Variants in DNAH11 observed in about 807,000 individuals in gnomAD.
The protein encoded by DNAH11 is axonemal beta dynein heavy chain 11.
A neutral mutation model predicts 526.0 loss-of-function variants in DNAH11; 442 were observed. The ratio of observed to expected loss-of-function variants is 0.84; its 90% CI spans 0.78 to 0.91. The LOEUF (loss-of-function observed/expected upper bound fraction) is 0.91. Ranked by LOEUF, DNAH11 falls within the 40% of genes least tolerant of loss-of-function variation. The probability of loss-of-function intolerance (pLI) is 0.00; values close to 1 mark genes in which losing one functional copy is unlikely to be tolerated. For synonymous variants in DNAH11, 2,461 were observed against 1,935.9 expected, an observed-to-expected ratio of 1.27 and a Z score of -7.12; for missense variants, 6,989 against 5,448.7, an observed-to-expected ratio of 1.28 and a Z score of -8.90.
chr7:21,603,564 C>T (rs577692531), intron 18 of DNAH11, among the ~76,000 whole-genome samples: 1 of 152,272 alleles, frequency 6.6e-6, no homozygotes, highest in African/African-American at 2.4e-5. Flanking sequence ...TTTACAAGTG[C>T]TCTCTTGACT....
At chr7:21,649,950 C>T (rs1008996764) in intron 28 of DNAH11, among the ~76,000 whole-genome samples, 4 of 152,096 alleles carry the variant, frequency 2.6e-5, no homozygotes, top group Non-Finnish European at 4.4e-5. Flanking sequence ...CACACGTGAG[C>T]CCCCATGCCC....
intron 62 of DNAH11, among the ~76,000 whole-genome samples, chr7:21,801,914 C>G (rs537345554): frequency 6.6e-6 from 1 of 152,146 alleles, no homozygotes; most frequent in African/African-American, 2.4e-5. Flanking sequence ...TTGACATTCT[C>G]TTGCTTGAAC....
intron 61 of DNAH11, among the ~76,000 whole-genome samples, chr7:21,791,210 G>A (rs933367505): frequency 2.6e-5 from 4 of 152,204 alleles, no homozygotes; most frequent in Non-Finnish European, 5.9e-5. Context: ...TGGAGCTTCA[G>A]TTTCTCATCT....
intron 20 of DNAH11, among the ~76,000 whole-genome samples, 169 bp downstream of exon 20, chr7:21,606,902 C>T (rs1466640586): frequency 6.6e-6 from 1 of 152,112 alleles, no homozygotes; most frequent in East Asian, 1.9e-4. Context: ...TATTGTATTT[C>T]AAATCATGCC....
At chr7:21,567,550 C>G (rs147031844) in intron 6 of DNAH11, among the ~76,000 whole-genome samples, 1 of 152,318 alleles carries the variant, frequency 6.6e-6, no homozygotes, top group East Asian at 1.9e-4. Flanking sequence ...AGAGATCTTG[C>G]TACAGTGCTT....
At chr7:21,732,280 G>A (rs1417325218) in intron 45 of DNAH11, among the ~76,000 whole-genome samples, 1 of 152,138 alleles carries the variant, frequency 6.6e-6, no homozygotes, top group Non-Finnish European at 1.5e-5. Flanking sequence ...TTTTCTCTGT[G>A]CATGTGTATC....
At chr7:21,619,770 T>C (rs567120948) in intron 24 of DNAH11, among the ~76,000 whole-genome samples, 186 bp from the exon 25 acceptor site, 2 of 152,328 alleles carry the variant, frequency 1.3e-5, no homozygotes, top group South Asian at 4.1e-4. Context: ...GCTCATACCT[T>C]TGATGTGATA....
chr7:21,712,284 A>G (rs935239170), intron 42 of DNAH11, among the ~76,000 whole-genome samples: 6 of 152,216 alleles, frequency 3.9e-5, no homozygotes, highest in Non-Finnish European at 5.9e-5. Flanking sequence ...TCATCTATAA[A>G]TGAACACTTG....
Position 21,561,061 on chromosome 7 carries a change from T to G in DNAH11, c.883-10T>G. 1 of 1,570,178 alleles carries G rather than the reference T, an allele frequency of 6.4e-7. No homozygotes were observed. The highest frequency in any genetic ancestry group is 1.4e-5 in the African/African-American group (1 of 73,910). On this transcript the variant is annotated splice_polypyrimidine_tract_variant and intron_variant, in intron 4 of 81. Transcript: ENST00000409508. ...TTTATTAAAGTTCTTCTTTTTTTCC[T>G]TTAACTTAGCTTCAGGCACCTGTTG... is the stretch of plus-strand genomic sequence containing the variant.
intron 37 of DNAH11, 46 bp downstream of exon 37, chr7:21,702,848 C>T (rs1221563319): frequency 2.6e-6 from 4 of 1,517,252 alleles, no homozygotes; most frequent in Non-Finnish European, 3.6e-6. Flanking sequence ...AGCTGGCCTG[C>T]TTCACAGACA....
chr7:21,817,430 C>T (rs1384745399), intron 64 of DNAH11, among the ~76,000 whole-genome samples: 1 of 150,986 alleles, frequency 6.6e-6, no homozygotes, highest in African/African-American at 2.4e-5. Flanking sequence ...CCTATAATCC[C>T]AGCACTTTAG....
intron 35 of DNAH11, among the ~76,000 whole-genome samples, chr7:21,691,306 G>A (rs1315005407): frequency 3.3e-5 from 5 of 151,660 alleles, no homozygotes; most frequent in Non-Finnish European, 5.9e-5. Context: ...CCAGTATTTG[G>A]TAGCCTTTCC....
At chr7:21,692,292 G>C (rs887420235) in intron 35 of DNAH11, among the ~76,000 whole-genome samples, 1 of 152,232 alleles carries the variant, frequency 6.6e-6, no homozygotes, top group Admixed American at 6.5e-5. Context: ...CACAATCAAA[G>C]TACAGAATAT....
chr7:21,894,676 G>A lies in DNAH11; in HGVS notation c.12804G>A (p.Met4268Ile), dbSNP rs1283821643. 1.9e-6 allele frequency: 3 copies of A among 1,613,964 alleles called. No individual in the cohort carries two copies. Among genetic ancestry groups the A allele is most frequent in the Admixed American group, 1.7e-5 (1 of 60,006 alleles). Residue 4268 changes from methionine (M) to isoleucine (I), a missense_variant, in exon 78 of 82, where the codon ATG (methionine) becomes ATA (isoleucine). Transcript: ENST00000409508. ...ILEKLPEEFN[M>I]AEIMQKNSNR... ...AGAAACTTCCAGAAGAGTTCAACAT[G>A]GCAGAGATAATGCAAAAAAATTCAA...
intron 61 of DNAH11, among the ~76,000 whole-genome samples, chr7:21,798,159 C>T (rs1316331078): frequency 2.6e-5 from 4 of 152,180 alleles, no homozygotes; most frequent in Non-Finnish European, 2.9e-5. Context: ...TGCAGTGGCA[C>T]GATCTCAGCT....
chr7:21,864,224 A>C (rs373165713), intron 69 of DNAH11, among the ~76,000 whole-genome samples: 1 of 152,236 alleles, frequency 6.6e-6, no homozygotes, highest in Non-Finnish European at 1.5e-5. Flanking sequence ...GTAAGTGTTA[A>C]GACAAGTTTG....
chr7:21,809,746 A>G (rs910845026), intron 63 of DNAH11, among the ~76,000 whole-genome samples: 7 of 151,650 alleles, frequency 4.6e-5, no homozygotes, highest in African/African-American at 1.7e-4. Flanking sequence ...TTGTATTTTT[A>G]GTAGAGATAG....
Position 21,543,180 on chromosome 7 carries a change from C to A in DNAH11, c.-66C>A. The stretch of plus-strand genomic sequence containing the variant: ...GCGCCTGCGGAGGTGTCCTCGCTCA[C>A]TTCGGGGGGCCCAGAGTCTCGGGTG... On this transcript the variant is annotated 5_prime_UTR_variant, in exon 1 of 82. Transcript: ENST00000409508. The A allele has an allele frequency of 6.9e-7, 1 of 1,450,794 alleles. No homozygotes were observed. Among genetic ancestry groups the A allele is most frequent in the Non-Finnish European group, 9.0e-7 (1 of 1,108,304 alleles). The allele number at this position is 1,450,794 out of a possible 1,614,324, so 89.9% of individuals were successfully genotyped here.
chr7:21,652,687 A>G (rs1327934429), intron 28 of DNAH11, among the ~76,000 whole-genome samples: 1 of 152,086 alleles, frequency 6.6e-6, no homozygotes, highest in Non-Finnish European at 1.5e-5. Context: ...TGGTGTGGTC[A>G]TTTTTATGAT....
Sources: gnomAD v4.1 joint callset for allele counts (sites outside exome capture counted in the v4.1 genomes callset) on GRCh38, gnomAD v4.1.1 for gene constraint, MANE v1.5 for transcripts, NCBI Gene and HGNC (gene_info 2026-07-23, HGNC 2026-07-21) for gene names.